CDH18: variants seen among roughly 807,000 people sequenced by gnomAD.
The protein encoded by CDH18 is cadherin 18.
CDH18 carries 31 observed loss-of-function variants against 67.9 expected under a neutral mutation model. The ratio of observed to expected loss-of-function variants is 0.46; its 90% CI spans 0.34 to 0.62. The LOEUF is 0.62. Ranked by LOEUF, CDH18 falls within the 20% of genes least tolerant of loss-of-function variation. CDH18 has a pLI of 0.01. For synonymous variants in CDH18, 362 were observed against 347.2 expected (o/e 1.04, Z -0.48); for missense variants, 890 against 975.5 (o/e 0.91, Z 1.17).
intron 3 of CDH18, among the ~76,000 whole-genome samples, chr5:19,781,322 G>GA (rs903109871): frequency 1.3e-5 from 2 of 149,512 alleles, no homozygotes; most frequent in Admixed American, 6.7e-5. Context: ...AAATCACATA[G>GA]AAAAAAAACA....
chr5:19,655,569 T>C (rs1326211474), intron 5 of CDH18, among the ~76,000 whole-genome samples: 1 of 152,056 alleles, frequency 6.6e-6, no homozygotes, highest in African/African-American at 2.4e-5. Context: ...GTTGTCATAT[T>C]TGTCAATGTT....
chr5:19,928,735 C>T (rs1561576531), intron 2 of CDH18, among the ~76,000 whole-genome samples: 1 of 152,040 alleles, frequency 6.6e-6, no homozygotes, highest in African/African-American at 2.4e-5. Context: ...TGTACTGCCG[C>T]AAATCATCAG....
chr5:20,285,193 G>C (rs1746592774), intron 1 of CDH18, among the ~76,000 whole-genome samples: 1 of 151,226 alleles, frequency 6.6e-6, no homozygotes, highest in African/African-American at 2.4e-5. Flanking sequence ...TGATAACTTA[G>C]AAAATTGCAA....
chr5:20,024,705 G>A (rs892055236), intron 2 of CDH18, among the ~76,000 whole-genome samples: 2 of 152,062 alleles, frequency 1.3e-5, no homozygotes, highest in Non-Finnish European at 2.9e-5. Context: ...TTGCCTAAAG[G>A]GTTTAGACTA....
intron 2 of CDH18, among the ~76,000 whole-genome samples, chr5:20,149,751 T>G (rs1750952329): frequency 6.6e-6 from 1 of 152,140 alleles, no homozygotes; most frequent in South Asian, 2.1e-4. Flanking sequence ...TCTGCAAACT[T>G]TAACCAGACT....
At chr5:20,487,338 C>A (rs533099523) in intron 1 of CDH18, among the ~76,000 whole-genome samples, 27 of 142,458 alleles carry the variant, frequency 1.9e-4, no homozygotes, top group African/African-American at 7.5e-4. Flanking sequence ...ATATATAAAC[C>A]TATATATGTA....
chr5:20,289,450 A>C (rs1050401021), intron 1 of CDH18, among the ~76,000 whole-genome samples: 1 of 151,944 alleles, frequency 6.6e-6, no homozygotes, highest in African/African-American at 2.4e-5. Flanking sequence ...ACTTGTGGCC[A>C]CTTTAACTAT....
intron 2 of CDH18, among the ~76,000 whole-genome samples, chr5:19,870,740 G>A (rs1786171758): frequency 1.3e-5 from 2 of 152,046 alleles, no homozygotes; most frequent in Non-Finnish European, 2.9e-5. Flanking sequence ...GAATGCAGAT[G>A]GTGGAGATTA....
At chr5:19,812,653 CAAAAT>C (rs142286621) in intron 3 of CDH18, among the ~76,000 whole-genome samples, 13,245 of 151,986 alleles carry the variant, frequency 0.087, 572 homozygotes, top group African/African-American at 0.11. Context: ...GCAGAAAAAA[CAAAAT>C]AAATCTGTAA....
intron 7 of CDH18, among the ~76,000 whole-genome samples, chr5:19,580,618 GC>G (rs2149981557): frequency 6.6e-6 from 1 of 151,898 alleles, no homozygotes; most frequent in African/African-American, 2.4e-5. Context: ...ACCGACCTAT[GC>G]CCTAAACAAT....
At position 19,473,409 on chromosome 5, in the gene CDH18, G is replaced by C; in HGVS notation, c.2190C>G (p.Pro730=). The change falls in exon 13 of 13, where the codon CCC becomes CCG. Residue 730 remains proline, a synonymous_variant. Transcript: ENST00000382275. ...LAEADLDPSV[P]PYDSLQTYAY... ...CATAAGTCTGAAGAGAGTCATAAGGGGGAACGCTAGGGTCTAGGTCTGCTT... is the reference window on the plus strand; with the variant it reads ...CATAAGTCTGAAGAGAGTCATAAGGCGGAACGCTAGGGTCTAGGTCTGCTT... 6.2e-7 allele frequency: 1 copy of C among 1,613,766 alleles called. No individual in the cohort carries two copies. The highest frequency in any genetic ancestry group is 1.1e-5 in the South Asian group (1 of 91,070).
chr5:20,523,650 C>T (rs575176648), intron 1 of CDH18, among the ~76,000 whole-genome samples: 1 of 152,250 alleles, frequency 6.6e-6, no homozygotes, highest in African/African-American at 2.4e-5. Flanking sequence ...AAGCAATTCT[C>T]CTGCCTCAGC....
intron 2 of CDH18, among the ~76,000 whole-genome samples, chr5:20,072,056 G>A (rs1743525970): frequency 6.6e-6 from 1 of 151,942 alleles, no homozygotes; most frequent in Admixed American, 6.6e-5. Flanking sequence ...TACTTAATTT[G>A]GAAAATACCA....
At chr5:19,890,871 G>T (rs902050934) in intron 2 of CDH18, among the ~76,000 whole-genome samples, 8 of 152,090 alleles carry the variant, frequency 5.3e-5, no homozygotes, top group African/African-American at 1.9e-4. Flanking sequence ...AACCACAATG[G>T]TCACTTCTTA....
chr5:19,877,624 G>GA (rs1469244785), intron 2 of CDH18, among the ~76,000 whole-genome samples: 10 of 152,054 alleles, frequency 6.6e-5, no homozygotes, highest in Admixed American at 4.6e-4. Flanking sequence ...AACATAGATT[G>GA]AAAAAATAGA....
At chr5:19,951,290 T>C (rs764978742) in intron 2 of CDH18, among the ~76,000 whole-genome samples, 3 of 152,224 alleles carry the variant, frequency 2.0e-5, no homozygotes, top group Non-Finnish European at 4.4e-5. Context: ...ATCTGTGGCA[T>C]ACTAAAACTT....
At chr5:19,960,493 A>C (rs1395397490) in intron 2 of CDH18, among the ~76,000 whole-genome samples, 4 of 150,910 alleles carry the variant, frequency 2.7e-5, no homozygotes, top group Non-Finnish European at 5.9e-5. Context: ...TATGATAACA[A>C]CACTTTCTCC....
intron 1 of CDH18, among the ~76,000 whole-genome samples, chr5:20,386,898 T>C (rs1396124148): frequency 2.6e-5 from 4 of 152,120 alleles, no homozygotes; most frequent in African/African-American, 9.7e-5. Flanking sequence ...CTCTCCTCTA[T>C]GTGTGTGGGT....
chr5:19,847,850 A>T (rs1354806009), intron 2 of CDH18, among the ~76,000 whole-genome samples: 10 of 151,680 alleles, frequency 6.6e-5, no homozygotes, highest in African/African-American at 2.2e-4. Context: ...CTTTTTTGAG[A>T]TCTCATAATT....
Sources: gnomAD v4.1 joint callset for allele counts (sites outside exome capture counted in the v4.1 genomes callset) on GRCh38, gnomAD v4.1.1 for gene constraint, MANE v1.5 for transcripts, NCBI Gene and HGNC (gene_info 2026-07-23, HGNC 2026-07-21) for gene names.